Variants in TBC1D2B observed in about 807,000 individuals in gnomAD.
TBC1D2B encodes the protein TBC1 domain family, member 2B.
In TBC1D2B, 64 loss-of-function variants were observed where a neutral mutation model predicts 100.8. That is an observed-to-expected ratio of 0.64 (90% CI 0.52 to 0.78). The LOEUF (loss-of-function observed/expected upper bound fraction) is 0.78, where lower values mean the gene tolerates loss of function less well. Among genes scored for constraint, TBC1D2B ranks in the 30% least tolerant of loss-of-function variants. The pLI is 0.00. For missense variants in TBC1D2B, 1,052 were observed against 1,218.4 expected (o/e 0.86, Z 2.03); for synonymous variants, 480 against 479.7 (o/e 1.00, Z -0.01).
chr15:78,054,734 A>C (rs2073385327), intron 1 of TBC1D2B, among the ~76,000 whole-genome samples: 1 of 152,246 alleles, frequency 6.6e-6, no homozygotes, highest in South Asian at 2.1e-4. Flanking sequence ...CATAAGCTGC[A>C]GGTGGAATGC....
intron 2 of TBC1D2B, among the ~76,000 whole-genome samples, chr15:78,048,864 C>A (rs1432466166): frequency 2.0e-5 from 3 of 152,238 alleles, no homozygotes; most frequent in African/African-American, 7.2e-5. Flanking sequence ...GCAACCTCTG[C>A]AGAGCACAGA....
chr15:77,998,081 A>T lies in TBC1D2B; in HGVS notation c.*79T>A, dbSNP rs1326979491. ...GATCCCCAGAGGACACACACGTTAC[A>T]TTCTGGCTTTTAAGTGCACTTTCAC... On this transcript the variant is annotated 3_prime_UTR_variant, in exon 13 of 13. Coordinates refer to ENST00000300584, the MANE Select transcript of TBC1D2B (RefSeq NM_144572.2). 1.5e-6 allele frequency: 2 copies of T among 1,357,136 alleles called. No individual in the cohort carries two copies. Among genetic ancestry groups the T allele is most frequent in the South Asian group, 1.5e-5 (1 of 64,830 alleles). The allele number at this position is 1,357,136 out of a possible 1,614,324, so 84.1% of individuals were successfully genotyped here.
chr15:78,041,309 G>A (rs557104775), intron 3 of TBC1D2B, among the ~76,000 whole-genome samples: 120 of 152,318 alleles, frequency 7.9e-4, no homozygotes, highest in African/African-American at 2.7e-3. Flanking sequence ...GCATTAACCA[G>A]TGAGGAACAA....
chr15:78,024,493 T>C lies in TBC1D2B; in HGVS notation c.1133A>G (p.Asp378Gly), dbSNP rs149577266. 34 of 1,613,836 alleles carry C rather than the reference T, an allele frequency of 2.1e-5. No homozygotes were observed. The highest frequency in any genetic ancestry group is 2.9e-5 in the Non-Finnish European group (34 of 1,179,886). Residue 378 changes from aspartate (D) to glycine (G), a missense_variant, in exon 6 of 13, where the codon GAC becomes GGC. By Grantham distance (94) the Asp-to-Gly change is moderately conservative. Transcript: ENST00000300584. Reference protein sequence around the residue: ...LQQTVRSSQYDKYFTSSRLCE... With the variant: ...LQQTVRSSQYGKYFTSSRLCE... Reference sequence around the variant, plus strand: ...GAGCCGGCTGCTTGTGAAATACTTGTCATACTGGGATGACCGGACTGTCTG... The same window carrying C: ...GAGCCGGCTGCTTGTGAAATACTTGCCATACTGGGATGACCGGACTGTCTG...
At position 77,996,335 on chromosome 15, in the gene TBC1D2B, A is replaced by G. The variant is rs1046056228; in HGVS notation, c.*1825T>C. The G allele has an allele frequency of 1.3e-5, 2 of 152,200 alleles. No individual in the cohort carries two copies. Among genetic ancestry groups the G allele is most frequent in the Admixed American group, 6.5e-5 (1 of 15,284 alleles). 9.4% of individuals were successfully genotyped at this position (152,200 alleles called of 1,614,324 possible). A position where few individuals can be genotyped will look rare whatever the true frequency, so the allele number is the denominator to read the frequency against. ...TGTTCCAGGGGCCATTGGCTCGGAA[A>G]GTAAAACCTCAGGGCCCAGCCCCAT... On this transcript the variant is annotated 3_prime_UTR_variant, in exon 13 of 13. Transcript: ENST00000300584.
chr15:77,994,990 T>C lies in TBC1D2B; in HGVS notation c.*3170A>G, dbSNP rs1037519338. ...AACTGAATTTCAATGCAGAATATTA[T>C]ACAAATTAGTAGTTTATTTCTTCCT... is the stretch of plus-strand genomic sequence containing the variant. On this transcript the variant is annotated 3_prime_UTR_variant, in exon 13 of 13. Transcript: ENST00000300584. The C allele has an allele frequency of 2.6e-5, 4 of 152,280 alleles. No homozygotes were observed. Among genetic ancestry groups the C allele is most frequent in the Non-Finnish European group, 5.9e-5 (4 of 68,050 alleles). 9.4% of individuals were successfully genotyped at this position (152,280 alleles called of 1,614,324 possible).
intron 6 of TBC1D2B, among the ~76,000 whole-genome samples, chr15:78,022,896 C>T (rs995845553): frequency 6.6e-6 from 1 of 151,948 alleles, no homozygotes; most frequent in African/African-American, 2.4e-5. Flanking sequence ...GTATTGAGAC[C>T]AGAGGTTTTC....
At chr15:77,999,424 G>A (rs2071851620) in intron 12 of TBC1D2B, 1 of 364,500 alleles carries the variant, frequency 2.7e-6, no homozygotes, top group Admixed American at 3.2e-5. Flanking sequence ...AGAGGCTTAA[G>A]GTCAGAAAGG....
chr15:78,001,782 T>C (rs1445258224), intron 11 of TBC1D2B, 42 bp from the exon 12 acceptor site: 1 of 1,569,946 alleles, frequency 6.4e-7, no homozygotes, highest in Non-Finnish European at 8.6e-7. Flanking sequence ...AAAAACCCTG[T>C]GGGTCCAGGC....
chr15:78,026,039 T>C (rs754413839), intron 4 of TBC1D2B, among the ~76,000 whole-genome samples: 3 of 151,752 alleles, frequency 2.0e-5, no homozygotes, highest in Non-Finnish European at 4.4e-5. Context: ...CTTGGAAGAC[T>C]GTATCACAGG....
chr15:78,034,066 G>A (rs1426599790), intron 3 of TBC1D2B, among the ~76,000 whole-genome samples: 1 of 152,168 alleles, frequency 6.6e-6, no homozygotes, highest in Non-Finnish European at 1.5e-5. Flanking sequence ...GCTGGTAAAC[G>A]ACGTATAGCA....
chr15:78,068,367 A>G (rs1280146910), intron 1 of TBC1D2B, among the ~76,000 whole-genome samples: 1 of 140,784 alleles, frequency 7.1e-6, no homozygotes, highest in Non-Finnish European at 1.5e-5. Flanking sequence ...ATGAAATGAA[A>G]GCACACACAC....
chr15:78,045,224 AC>A (rs2073171888), intron 2 of TBC1D2B, among the ~76,000 whole-genome samples, 156 bp from the exon 3 acceptor site: 1 of 152,246 alleles, frequency 6.6e-6, no homozygotes, highest in South Asian at 2.1e-4. Context: ...TCTGTGGGTA[AC>A]TCTGATGTTC....
intron 1 of TBC1D2B, among the ~76,000 whole-genome samples, chr15:78,073,333 A>G (rs4887002): frequency 0.89 from 135,269 of 152,242 alleles, 60,803 homozygotes; most frequent in East Asian, 0.99. Context: ...CTCCAGAGAG[A>G]GCTGAAAGAC....
At chr15:78,050,003 G>C (rs1383422614) in intron 2 of TBC1D2B, among the ~76,000 whole-genome samples, 2 of 152,132 alleles carry the variant, frequency 1.3e-5, no homozygotes, top group Non-Finnish European at 2.9e-5. Context: ...ATTTTACAAG[G>C]ATTACACAAA....
chr15:78,032,544 C>T (rs1424020355), intron 3 of TBC1D2B, among the ~76,000 whole-genome samples: 1 of 151,110 alleles, frequency 6.6e-6, no homozygotes, highest in Non-Finnish European at 1.5e-5. Context: ...AATCAATCAA[C>T]AGAAACAGAC....
chr15:78,053,598 G>T (rs895832125), intron 2 of TBC1D2B, among the ~76,000 whole-genome samples: 1 of 152,228 alleles, frequency 6.6e-6, no homozygotes, highest in Non-Finnish European at 1.5e-5. Context: ...GAAGGTTAAA[G>T]TCTTCCTAAG....
At chr15:77,999,598 A>C (rs1481050859) in intron 12 of TBC1D2B, among the ~76,000 whole-genome samples, 6 of 152,038 alleles carry the variant, frequency 3.9e-5, no homozygotes, top group Non-Finnish European at 8.8e-5. Flanking sequence ...AGGCGGGAGG[A>C]GGCTCCGTGT....
At chr15:78,007,657 T>A (rs183698585) in intron 10 of TBC1D2B, among the ~76,000 whole-genome samples, 1 of 152,316 alleles carries the variant, frequency 6.6e-6, no homozygotes, top group Non-Finnish European at 1.5e-5. Context: ...AGAGTGAATG[T>A]CATCCAGGGG....
Sources: allele counts gnomAD v4.1 joint callset (sites outside exome capture counted in the v4.1 genomes callset), GRCh38; gene constraint gnomAD v4.1.1; transcripts MANE v1.5; gene names NCBI Gene and HGNC (gene_info 2026-07-23, HGNC 2026-07-21).